The following INTS9 variants were observed in gnomAD, a reference collection of about 807,000 sequenced individuals.
INTS9 encodes protein related to CPSF subunits of 74 kDa.
A neutral mutation model predicts 79.7 loss-of-function variants in INTS9; 55 were observed. The observed-to-expected ratio is 0.69, with a 90% CI of 0.56 to 0.86. INTS9 has a LOEUF of 0.86. INTS9 is among the 40% of genes least tolerant of loss of function. INTS9 has a pLI of 0.00. For synonymous variants in INTS9, 319 were observed against 325.2 expected (o/e 0.98, Z 0.20); for missense variants, 721 against 831.5 (o/e 0.87, Z 1.64).
rs572415645 is a variant in INTS9, at chr8:28,868,159, T to C, written c.10-8596A>G. Among the ~76,000 whole-genome samples the C allele has an allele frequency of 2.1e-4, 32 of 152,338 alleles. No individual in the cohort carries two copies. The South Asian group carries it at 5.8e-3, about 28-fold the overall frequency. On this transcript the variant is annotated intron_variant, in intron 1 of 16. Coordinates refer to ENST00000521022, the MANE Select transcript of INTS9 (RefSeq NM_018250.4). ...TATTTTGAATTGGTAAGAATGCAGATGAGTTTATAATCTGGTTCTGAACAA... is the reference window on the plus strand; with the variant it reads ...TATTTTGAATTGGTAAGAATGCAGACGAGTTTATAATCTGGTTCTGAACAA...
chr8:28,809,143 G>A (rs7830064), intron 8 of INTS9, among the ~76,000 whole-genome samples: 29,352 of 151,834 alleles, frequency 0.19, 3,157 homozygotes, highest in East Asian at 0.46. Flanking sequence ...ACTTTTCGTA[G>A]AGATGGGATC....
intron 4 of INTS9, among the ~76,000 whole-genome samples, chr8:28,845,212 G>A (rs1451973715): frequency 6.6e-6 from 1 of 152,142 alleles, no homozygotes; most frequent in African/African-American, 2.4e-5. Context: ...GGGATACAAA[G>A]ATATTTAAGC....
intron 1 of INTS9, among the ~76,000 whole-genome samples, chr8:28,870,243 T>C (rs1809006243): frequency 6.6e-6 from 1 of 151,676 alleles, no homozygotes; most frequent in African/African-American, 2.4e-5. Context: ...GGGCGAGTGG[T>C]TGATCATACT....
At chr8:28,878,642 A>T (rs867810835) in intron 1 of INTS9, among the ~76,000 whole-genome samples, 5,261 of 132,846 alleles carry the variant, frequency 0.04, 223 homozygotes, top group African/African-American at 0.13. Flanking sequence ...TTTTTTTTTT[A>T]AAAAAAAAAC....
rs1430384946 is a variant in INTS9 at position 28,787,868 on chromosome 8, A to G, written c.1059T>C (p.Ser353=). ...AAGGTGGTTCTGGAAGATACACCTT[A>G]CTCTGTTTGTTGTGACAAAGCCTAT... ...FAEWLCHNKQ[S]KVYLPEPPFP... Residue 353 remains serine (S), a synonymous_variant, in exon 11 of 17, where the codon AGT becomes AGC. Transcript: ENST00000521022. 6.2e-7 allele frequency: 1 copy of G among 1,605,278 alleles called. No individual in the cohort carries two copies. Among genetic ancestry groups the G allele is most frequent in the South Asian group, 1.1e-5 (1 of 90,408 alleles).
rs192491750 is a variant in INTS9, at chr8:28,808,420, G to A, written c.744+3907C>T. Among the ~76,000 whole-genome samples, 21 of 152,214 alleles carry A rather than the reference G, an allele frequency of 1.4e-4. No homozygotes were observed. The East Asian group carries it at 3.5e-3, about 25-fold the overall frequency. ...GTTGGGGTCTTGAACTCCTGACCTT[G>A]TGATCTGCCTGCCTTGGTCTCCCAA... On this transcript the variant is annotated intron_variant, in intron 8 of 16. Transcript: ENST00000521022.
intron 1 of INTS9, among the ~76,000 whole-genome samples, chr8:28,860,943 T>C (rs1808430008): frequency 6.6e-6 from 1 of 152,242 alleles, no homozygotes; most frequent in African/African-American, 2.4e-5. Context: ...CTCCAGAGGA[T>C]GTTACAGGAA....
At position 28,801,673 on chromosome 8, in the gene INTS9, G is replaced by A. The variant is rs142796042; in HGVS notation, c.745-5018C>T. 9.1e-4 allele frequency among the ~76,000 whole-genome samples: 139 copies of A among 152,222 alleles called. 1 individual carries two copies. The highest frequency in any genetic ancestry group is 3.2e-3 in the African/African-American group (132 of 41,534). On this transcript the variant is annotated intron_variant, in intron 8 of 16. Transcript: ENST00000521022. The stretch of plus-strand genomic sequence containing the variant: ...GTTGCTCAGACTGGAGTGCAATGGC[G>A]TGATCTCAGCTCACTGCAGCCTCAA...
chr8:28,882,532 T>TAAAAAAAAAAAAAAGAA (rs1809936398), intron 1 of INTS9, among the ~76,000 whole-genome samples: 2 of 63,300 alleles, frequency 3.2e-5, no homozygotes, highest in Non-Finnish European at 6.1e-5. Context: ...TATTAACAGC[T>TAAAAAAAAAAAAAAGAA]AAAAAAAAAA....
Position 28,812,311 on chromosome 8 carries a change from G to A in INTS9, c.744+16C>T. The A allele has an allele frequency of 6.2e-7, 1 of 1,611,854 alleles. No homozygotes were observed. ...TAACCAAAAAGCTGAGTTGCTAGAA[G>A]AGAATTTGGAATTACCTGGGGGTGT... On this transcript the variant is annotated intron_variant, in intron 8 of 16. Transcript: ENST00000521022.
rs369348078 is a variant in INTS9, at chr8:28,795,742, GA to G, written c.856+801del. Among the ~76,000 whole-genome samples, 614 of 149,224 alleles carry G rather than the reference GA, an allele frequency of 4.1e-3. 4 individuals are homozygous for G. Among genetic ancestry groups the G allele is most frequent in the African/African-American group, 0.015 (591 of 40,722 alleles). ...GCAAGATGGCAATCATCTGCATCAAGAAACGACCATGCTGGCACGCTAATCT... is the reference window on the plus strand; with the variant it reads ...GCAAGATGGCAATCATCTGCATCAAGAACGACCATGCTGGCACGCTAATCT... On this transcript the variant is annotated intron_variant, in intron 9 of 16. Coordinates refer to ENST00000521022, the MANE Select transcript of INTS9 (RefSeq NM_018250.4).
At chr8:28,842,746 C>T (rs1807263355) in intron 4 of INTS9, among the ~76,000 whole-genome samples, 1 of 152,092 alleles carries the variant, frequency 6.6e-6, no homozygotes, top group Non-Finnish European at 1.5e-5. Flanking sequence ...AAGTACAACA[C>T]CTGGACACAG....
chr8:28,797,738 A>G (rs1450526929), intron 8 of INTS9, among the ~76,000 whole-genome samples: 3 of 152,194 alleles, frequency 2.0e-5, no homozygotes, highest in African/African-American at 7.2e-5. Context: ...TCCATCTGAA[A>G]CACATCCTTT....
At chr8:28,779,320 C>T (rs571158330) in intron 12 of INTS9, among the ~76,000 whole-genome samples, 39 of 152,264 alleles carry the variant, frequency 2.6e-4, no homozygotes, top group Non-Finnish European at 4.7e-4. Flanking sequence ...TCCTGGTGAC[C>T]GGGGCCTCTC....
chr8:28,809,087 C>T (rs1804968166), intron 8 of INTS9, among the ~76,000 whole-genome samples: 1 of 151,978 alleles, frequency 6.6e-6, no homozygotes, highest in South Asian at 2.1e-4. Flanking sequence ...GTAGCTGGGA[C>T]CACAGGCGCA....
intron 14 of INTS9, among the ~76,000 whole-genome samples, chr8:28,775,503 T>C (rs1214607138): frequency 6.6e-6 from 1 of 152,114 alleles, no homozygotes; most frequent in Admixed American, 6.6e-5. Flanking sequence ...ACCTGGCTAC[T>C]TTTTTTGTAT....
chr8:28,796,834 T>A (rs1210402563), intron 8 of INTS9, 179 bp from the exon 9 acceptor site: 2 of 543,016 alleles, frequency 3.7e-6, no homozygotes, highest in East Asian at 5.8e-5. Context: ...GGGTGGGGAC[T>A]GATGGGAGGA....
intron 2 of INTS9, among the ~76,000 whole-genome samples, chr8:28,852,142 C>G (rs920230171): frequency 6.6e-6 from 1 of 152,032 alleles, no homozygotes; most frequent in Non-Finnish European, 1.5e-5. Flanking sequence ...TCGCTTGAGC[C>G]CAGGAGGTCA....
intron 1 of INTS9, among the ~76,000 whole-genome samples, chr8:28,860,260 C>A (rs1808381675): frequency 2.0e-5 from 3 of 152,206 alleles, no homozygotes; most frequent in Admixed American, 2.0e-4. Flanking sequence ...CGAAACATTT[C>A]TCATGTTCTC....
Sources: gnomAD v4.1 joint callset for allele counts (sites outside exome capture counted in the v4.1 genomes callset) on GRCh38, gnomAD v4.1.1 for gene constraint, MANE v1.5 for transcripts, NCBI Gene and HGNC (gene_info 2026-07-23, HGNC 2026-07-21) for gene names.